Variants in CEP128 observed in about 807,000 individuals in gnomAD.
The protein encoded by CEP128 is centrosomal protein 128, also known as centrosomal protein 128kDa.
Under a neutral mutation model 156.7 loss-of-function variants are expected in CEP128, and 132 were observed. The observed-to-expected ratio is 0.84, with a 90% CI of 0.73 to 0.97. CEP128 has a LOEUF of 0.97. CEP128 is among the 50% of genes least tolerant of loss of function. CEP128 has a pLI of 0.00. For missense variants in CEP128, 1,252 were observed against 1,281.9 expected (o/e 0.98, Z 0.36); for synonymous variants, 469 against 448.9 (o/e 1.04, Z -0.57).
chr14:80,720,234 A>T (rs1897763932), intron 19 of CEP128, among the ~76,000 whole-genome samples: 1 of 152,146 alleles, frequency 6.6e-6, no homozygotes, highest in Non-Finnish European at 1.5e-5. Context: ...CTCAAGTTGA[A>T]GGGGGAGAAT....
chr14:80,767,996 G>A (rs1013409662), intron 16 of CEP128, among the ~76,000 whole-genome samples: 3 of 152,046 alleles, frequency 2.0e-5, no homozygotes. Context: ...CTACTAGACT[G>A]TCTCACATAG....
At chr14:80,801,856 C>T (rs1207668290) in intron 13 of CEP128, among the ~76,000 whole-genome samples, 6 of 123,988 alleles carry the variant, frequency 4.8e-5, no homozygotes, top group East Asian at 2.7e-4. Flanking sequence ...TGCAGTAAGC[C>T]GAGATTGTGC....
chr14:80,721,069 C>A (rs990431439), intron 19 of CEP128, among the ~76,000 whole-genome samples: 1 of 152,100 alleles, frequency 6.6e-6, no homozygotes, highest in African/African-American at 2.4e-5. Flanking sequence ...TTTAAGAATT[C>A]AAAGAATCTA....
chr14:80,562,924 C>A (rs1890750546), intron 20 of CEP128, among the ~76,000 whole-genome samples: 1 of 151,630 alleles, frequency 6.6e-6, no homozygotes, highest in African/African-American at 2.4e-5. Context: ...TCGGCCTCCC[C>A]AAATGCTGGG....
At chr14:80,781,000 T>G (rs1477527003) in intron 15 of CEP128, among the ~76,000 whole-genome samples, 1 of 152,178 alleles carries the variant, frequency 6.6e-6, no homozygotes, top group Non-Finnish European at 1.5e-5. Flanking sequence ...CAACTGAAAT[T>G]TATTCCAACT....
At chr14:80,875,568 TG>T (rs1177684269) in intron 8 of CEP128, among the ~76,000 whole-genome samples, 3 of 152,204 alleles carry the variant, frequency 2.0e-5, no homozygotes, top group African/African-American at 4.8e-5. Context: ...ATAAACAGAT[TG>T]ATGATTTTGG....
chr14:80,779,461 A>G (rs1324426446), intron 15 of CEP128, among the ~76,000 whole-genome samples: 1 of 152,230 alleles, frequency 6.6e-6, no homozygotes. Context: ...AAATTGTTCA[A>G]CTATGATTTT....
chr14:80,861,489 A>G (rs970760737), intron 9 of CEP128, among the ~76,000 whole-genome samples: 12 of 152,130 alleles, frequency 7.9e-5, no homozygotes, highest in African/African-American at 2.9e-4. Flanking sequence ...TGGGAAGGAC[A>G]TAACTCCAAT....
chr14:80,783,516 C>A (rs1254964226), intron 15 of CEP128, among the ~76,000 whole-genome samples: 1 of 152,178 alleles, frequency 6.6e-6, no homozygotes, highest in Admixed American at 6.5e-5. Flanking sequence ...CAGTGACCGG[C>A]ACAAAATGTT....
intron 19 of CEP128, among the ~76,000 whole-genome samples, chr14:80,738,606 C>T (rs968260663): frequency 2.0e-4 from 31 of 151,894 alleles, no homozygotes; most frequent in Admixed American, 2.0e-4. Flanking sequence ...AACTGCAGTC[C>T]GAAAATAGGT....
intron 2 of CEP128, among the ~76,000 whole-genome samples, chr14:80,933,926 TGG>T (rs1421984959): frequency 6.6e-6 from 1 of 152,170 alleles, no homozygotes; most frequent in Non-Finnish European, 1.5e-5. Context: ...TATTTATGTG[TGG>T]GAAATAAGCC....
chr14:80,508,393 T>C (rs981927036), intron 23 of CEP128, among the ~76,000 whole-genome samples: 18 of 152,214 alleles, frequency 1.2e-4, no homozygotes, highest in Non-Finnish European at 2.4e-4. Flanking sequence ...TTTTCCCAGG[T>C]CTTACTTATA....
chr14:80,597,950 C>CAAAAAAAAAA (rs34001813), intron 19 of CEP128, among the ~76,000 whole-genome samples: 39 of 80,104 alleles, frequency 4.9e-4, no homozygotes, highest in African/African-American at 1.0e-3. Flanking sequence ...TCCTCAGCTA[C>CAAAAAAAAAA]AAAAAAAAAA....
chr14:80,716,259 C>A (rs1897601200), intron 19 of CEP128, among the ~76,000 whole-genome samples: 1 of 152,158 alleles, frequency 6.6e-6, no homozygotes, highest in Non-Finnish European at 1.5e-5. Context: ...TTAAAGTGTA[C>A]AACCTGATGG....
chr14:80,836,456 G>C (rs915797867), intron 11 of CEP128, 119 bp from the exon 12 acceptor site: 35 of 1,035,060 alleles, frequency 3.4e-5, no homozygotes, highest in Non-Finnish European at 4.7e-5. Flanking sequence ...ATAGTGGAAC[G>C]GTTTCCTGCT....
At chr14:80,627,667 T>C (rs1316914981) in intron 19 of CEP128, among the ~76,000 whole-genome samples, 1 of 151,856 alleles carries the variant, frequency 6.6e-6, no homozygotes, top group African/African-American at 2.4e-5. Context: ...TTTGGAAGAA[T>C]AAAATGAGAT....
intron 21 of CEP128, among the ~76,000 whole-genome samples, chr14:80,535,066 G>C (rs898302620): frequency 2.6e-5 from 4 of 152,170 alleles, no homozygotes; most frequent in African/African-American, 7.2e-5. Context: ...CAGGGACCTA[G>C]AAGTAGGGTC....
downstream of CEP128, among the ~76,000 whole-genome samples, chr14:80,494,608 T>C (rs549365467): frequency 5.3e-5 from 8 of 152,206 alleles, no homozygotes; most frequent in Non-Finnish European, 8.8e-5. Context: ...TGTTAACAAC[T>C]ACTAAATGGC....
At chr14:80,955,730 G>A (rs1334550660) in intron 2 of CEP128, 1 of 1,614,172 alleles carries the variant, frequency 6.2e-7, no homozygotes, top group Admixed American at 1.7e-5. Context: ...GACCTGCCCA[G>A]GGACCTGGGC....
Sources: allele counts gnomAD v4.1 joint callset (sites outside exome capture counted in the v4.1 genomes callset), GRCh38; gene constraint gnomAD v4.1.1; transcripts MANE v1.5; gene names NCBI Gene and HGNC (gene_info 2026-07-23, HGNC 2026-07-21).